The following MBNL2 variants were observed in gnomAD, a reference collection of about 807,000 sequenced individuals.
MBNL2 encodes muscleblind like splicing regulator 2, also known as muscleblind-like protein 2.
A neutral mutation model predicts 41.9 loss-of-function variants in MBNL2; 17 were observed. The ratio of observed to expected loss-of-function variants is 0.41; its 90% CI spans 0.28 to 0.61. MBNL2 has a LOEUF of 0.61. MBNL2 is among the 20% of genes least tolerant of loss of function. The probability of loss-of-function intolerance (pLI) is 0.35; values close to 1 mark genes in which losing one functional copy is unlikely to be tolerated. For synonymous variants in MBNL2, 195 were observed against 182.9 expected (o/e 1.07, Z -0.53); for missense variants, 336 against 505.6 (o/e 0.66, Z 3.22).
the MBNL2 span, among the ~76,000 whole-genome samples, chr13:97,143,424 G>C: frequency 5.3e-5 from 8 of 152,168 alleles, no homozygotes; most frequent in Non-Finnish European, 1.2e-4. Flanking sequence ...CCCCTGTGCC[G>C]TTGAAATCTA....
At chr13:97,226,626 A>G (rs2041645612) in intron 1 of MBNL2, among the ~76,000 whole-genome samples, 1 of 152,214 alleles carries the variant, frequency 6.6e-6, no homozygotes, top group African/African-American at 2.4e-5. Flanking sequence ...TTGGGGGAGA[A>G]CAAGAGATGG....
At chr13:97,213,888 C>T in the MBNL2 span, among the ~76,000 whole-genome samples, 2 of 148,264 alleles carry the variant, frequency 1.3e-5, no homozygotes, top group African/African-American at 5.2e-5. Flanking sequence ...ATTGTCATCA[C>T]ACTACAATAA....
the MBNL2 span, among the ~76,000 whole-genome samples, chr13:97,176,376 CA>C: frequency 1.3e-5 from 2 of 152,092 alleles, no homozygotes; most frequent in Non-Finnish European, 2.9e-5. Flanking sequence ...GCCAAGGTCC[CA>C]GGGGTTGGGG....
chr13:97,353,380 C>T (rs74933964), intron 5 of MBNL2, among the ~76,000 whole-genome samples: 19,465 of 152,176 alleles, frequency 0.13, 1,790 homozygotes, highest in African/African-American at 0.26. Flanking sequence ...CAAAATTACT[C>T]AGTACACAGA....
the MBNL2 span, among the ~76,000 whole-genome samples, chr13:97,150,147 C>T: frequency 6.6e-6 from 1 of 152,198 alleles, no homozygotes; most frequent in Admixed American, 6.5e-5. Context: ...CTGGTGGGTG[C>T]ACAGAACACA....
At chr13:97,158,735 GT>G in the MBNL2 span, among the ~76,000 whole-genome samples, 1 of 151,934 alleles carries the variant, frequency 6.6e-6, no homozygotes, top group East Asian at 1.9e-4. Flanking sequence ...CTGAGTTCTA[GT>G]TTGATTGCAC....
chr13:97,345,337 G>C (rs554485263), intron 4 of MBNL2, among the ~76,000 whole-genome samples: 16 of 152,278 alleles, frequency 1.1e-4, no homozygotes, highest in African/African-American at 3.1e-4. Flanking sequence ...TTTATGAGCA[G>C]AGAAGAATTA....
intron 1 of MBNL2, among the ~76,000 whole-genome samples, chr13:97,259,017 T>G (rs1437903928): frequency 6.6e-6 from 1 of 152,228 alleles, no homozygotes; most frequent in African/African-American, 2.4e-5. Flanking sequence ...AAATGCAGTC[T>G]TTCCTTGTGA....
intron 2 of MBNL2, among the ~76,000 whole-genome samples, chr13:97,294,262 C>T (rs2056670692): frequency 6.6e-6 from 1 of 152,050 alleles, no homozygotes; most frequent in South Asian, 2.1e-4. Flanking sequence ...TAATGAATGA[C>T]TCTGTTCAAT....
chr13:97,288,132 T>C (rs1275638499), intron 2 of MBNL2, among the ~76,000 whole-genome samples: 2 of 152,086 alleles, frequency 1.3e-5, no homozygotes, highest in Non-Finnish European at 1.5e-5. Context: ...TCTTTTTCCA[T>C]AATGCCTTTA....
chr13:97,276,936 A>T (rs2052279080), intron 2 of MBNL2, among the ~76,000 whole-genome samples: 1 of 152,108 alleles, frequency 6.6e-6, no homozygotes, highest in South Asian at 2.1e-4. Context: ...ACTTCATGTG[A>T]GTTATATGAC....
the MBNL2 span, among the ~76,000 whole-genome samples, chr13:97,211,926 T>C: frequency 2.6e-5 from 4 of 152,176 alleles, no homozygotes; most frequent in Non-Finnish European, 5.9e-5. Flanking sequence ...TGAGTTAGTG[T>C]GATGAATCTA....
chr13:97,242,740 T>C (rs2044551882), intron 1 of MBNL2, among the ~76,000 whole-genome samples: 1 of 150,932 alleles, frequency 6.6e-6, no homozygotes. Flanking sequence ...TTAAAAGAGC[T>C]TGGAATAAGC....
intron 7 of MBNL2, among the ~76,000 whole-genome samples, chr13:97,357,976 G>C (rs553500557): frequency 6.6e-6 from 1 of 152,206 alleles, no homozygotes; most frequent in Admixed American, 6.5e-5. Context: ...CCTTAACTCT[G>C]AATGACCTAA....
chr13:97,370,418 C>G (rs911967709), intron 8 of MBNL2, among the ~76,000 whole-genome samples: 16 of 152,010 alleles, frequency 1.1e-4, no homozygotes, highest in African/African-American at 3.4e-4. Flanking sequence ...GTCTGTAATC[C>G]CAGCACTTTG....
At chr13:97,390,520 C>T (rs748040563) in intron 8 of MBNL2, among the ~76,000 whole-genome samples, 5 of 152,138 alleles carry the variant, frequency 3.3e-5, no homozygotes, top group Non-Finnish European at 5.9e-5. Context: ...AGTTTTGTTA[C>T]GGTGTGTTAA....
At chr13:97,335,732 A>G (rs1271380839) in intron 3 of MBNL2, among the ~76,000 whole-genome samples, 1 of 152,222 alleles carries the variant, frequency 6.6e-6, no homozygotes, top group Admixed American at 6.5e-5. Flanking sequence ...GAAGTCTCAA[A>G]TAAGCCTCTT....
the MBNL2 span, among the ~76,000 whole-genome samples, chr13:97,211,358 G>C: frequency 6.6e-6 from 1 of 152,256 alleles, no homozygotes; most frequent in East Asian, 1.9e-4. Flanking sequence ...GGAGTGTGTG[G>C]GCCTGAGCTT....
chr13:97,305,567 C>T (rs1200801579), intron 2 of MBNL2, among the ~76,000 whole-genome samples: 2 of 151,794 alleles, frequency 1.3e-5, no homozygotes, highest in Non-Finnish European at 2.9e-5. Flanking sequence ...AGTTTGAGAC[C>T]AGCCTGGGCA....
Sources: allele counts gnomAD v4.1 joint callset (sites outside exome capture counted in the v4.1 genomes callset), GRCh38; gene constraint gnomAD v4.1.1; transcripts MANE v1.5; gene names NCBI Gene and HGNC (gene_info 2026-07-23, HGNC 2026-07-21).